The following MAML3 variants were observed in gnomAD, a reference collection of about 807,000 sequenced individuals.
The protein encoded by MAML3 is mastermind-like protein 3.
A neutral mutation model predicts 101.9 loss-of-function variants in MAML3; 27 were observed. The observed-to-expected ratio is 0.27, with a 90% confidence interval of 0.20 to 0.37. The LOEUF (loss-of-function observed/expected upper bound fraction) is 0.37, where lower values mean the gene tolerates loss of function less well. MAML3 is among the 10% of genes least tolerant of loss of function. MAML3 has a pLI of 1.00. For missense variants in MAML3, 1,316 were observed against 1,444.9 expected, an observed-to-expected ratio of 0.91 and a Z score of 1.45; for synonymous variants, 501 against 555.9, an observed-to-expected ratio of 0.90 and a Z score of 1.39.
intron 1 of MAML3, among the ~76,000 whole-genome samples, chr4:139,918,220 T>C (rs1293696630): frequency 1.3e-5 from 2 of 152,212 alleles, no homozygotes; most frequent in African/African-American, 2.4e-5. Context: ...CTTCAGAGTA[T>C]GTCTTTCTGC....
chr4:140,013,082 A>G (rs1726589505), intron 1 of MAML3, among the ~76,000 whole-genome samples: 1 of 152,264 alleles, frequency 6.6e-6, no homozygotes, highest in South Asian at 2.1e-4. Flanking sequence ...TTCCCAGCAT[A>G]TAACAGACAT....
intron 1 of MAML3, among the ~76,000 whole-genome samples, chr4:140,111,502 C>A (rs972493338): frequency 6.6e-6 from 1 of 152,226 alleles, no homozygotes; most frequent in Non-Finnish European, 1.5e-5. Context: ...TATAACACTT[C>A]AATGAAGTAT....
intron 1 of MAML3, chr4:140,134,452 A>G (rs1331332245): frequency 2.2e-6 from 1 of 451,286 alleles, no homozygotes; most frequent in Non-Finnish European, 4.5e-6. Flanking sequence ...ATATCTACTT[A>G]CAGCAGATTT....
intron 4 of MAML3, among the ~76,000 whole-genome samples, chr4:139,720,746 T>G (rs552911988): frequency 6.6e-6 from 1 of 152,308 alleles, no homozygotes; most frequent in African/African-American, 2.4e-5. Context: ...CCTCAACCAA[T>G]AAGATACTAT....
At chr4:139,912,784 A>C (rs1003059069) in intron 1 of MAML3, among the ~76,000 whole-genome samples, 5 of 152,260 alleles carry the variant, frequency 3.3e-5, no homozygotes, top group African/African-American at 9.6e-5. Flanking sequence ...AGAAGAGTTA[A>C]GGAAGGATTC....
intron 2 of MAML3, among the ~76,000 whole-genome samples, chr4:139,818,905 T>A (rs1730931236): frequency 6.6e-6 from 1 of 152,206 alleles, no homozygotes; most frequent in South Asian, 2.1e-4. Flanking sequence ...TGGTTGTACA[T>A]ATGGCCTGTA....
intron 1 of MAML3, among the ~76,000 whole-genome samples, chr4:140,085,475 G>A (rs775369595): frequency 2.0e-5 from 3 of 152,068 alleles, no homozygotes; most frequent in Non-Finnish European, 4.4e-5. Context: ...AAGCTAAAAG[G>A]TTCTCTACTT....
intron 1 of MAML3, among the ~76,000 whole-genome samples, chr4:139,911,066 C>G (rs1732911309): frequency 6.6e-6 from 1 of 152,216 alleles, no homozygotes; most frequent in Non-Finnish European, 1.5e-5. Flanking sequence ...TCCCCGGACT[C>G]TGGCAACCAC....
chr4:139,915,043 A>G (rs1733001191), intron 1 of MAML3, among the ~76,000 whole-genome samples: 3 of 152,336 alleles, frequency 2.0e-5, no homozygotes, highest in South Asian at 2.1e-4. Flanking sequence ...AAATCATTCA[A>G]TTACCTTAAG....
intron 1 of MAML3, among the ~76,000 whole-genome samples, chr4:139,947,242 A>G (rs1423960116): frequency 6.6e-6 from 1 of 152,154 alleles, no homozygotes; most frequent in Non-Finnish European, 1.5e-5. Flanking sequence ...CCTTCCTGTA[A>G]GTCTAAATCA....
chr4:139,797,187 A>G lies in MAML3; in HGVS notation c.2080-66520T>C, dbSNP rs1241716668. ...ACAGTTTATCTCAACCTAAGTTGGCATTATTTTAAAGTCATAAAAACATGA... is the reference window on the plus strand; with the variant it reads ...ACAGTTTATCTCAACCTAAGTTGGCGTTATTTTAAAGTCATAAAAACATGA... On this transcript the variant is annotated intron_variant, in intron 2 of 4. Transcript: ENST00000509479. Among the ~76,000 whole-genome samples the G allele has an allele frequency of 3.3e-5, 5 of 152,224 alleles. No individual in the cohort carries two copies. In the East Asian group the frequency reaches 9.6e-4, roughly 29 times the overall value.
chr4:139,775,267 C>T (rs1213421990), intron 2 of MAML3, among the ~76,000 whole-genome samples: 2 of 152,106 alleles, frequency 1.3e-5, no homozygotes, highest in Non-Finnish European at 1.5e-5. Flanking sequence ...ATTTTACTGC[C>T]CTAAGCAACC....
intron 1 of MAML3, among the ~76,000 whole-genome samples, chr4:140,066,371 G>C (rs1727536207): frequency 6.6e-6 from 1 of 152,156 alleles, no homozygotes; most frequent in Non-Finnish European, 1.5e-5. Context: ...TGGAATAAAG[G>C]CCAGCTCCTG....
At chr4:140,117,350 C>T (rs1043376911) in intron 1 of MAML3, among the ~76,000 whole-genome samples, 16 of 152,104 alleles carry the variant, frequency 1.1e-4, no homozygotes, top group African/African-American at 3.6e-4. Flanking sequence ...TTACTTGGTG[C>T]TGCTGACCAC....
At chr4:140,004,740 C>G (rs1726418415) in intron 1 of MAML3, among the ~76,000 whole-genome samples, 1 of 152,076 alleles carries the variant, frequency 6.6e-6, no homozygotes, top group Non-Finnish European at 1.5e-5. Context: ...CAGCTCCCTT[C>G]CCAGACCCGC....
At position 139,720,234 on chromosome 4, in the gene MAML3, T is replaced by A; in HGVS notation, c.2506A>T (p.Met836Leu). Reference sequence around the variant, plus strand: ...GGGTTCTGGGAGGGTCCTATTCCCATCATGCCTGCGTTCTGTGCCATCAGC... The same window carrying A: ...GGGTTCTGGGAGGGTCCTATTCCCAACATGCCTGCGTTCTGTGCCATCAGC... ...SRLMAQNAGM[M>L]GIGPSQNPGT... The change falls in exon 5 of 5, where the codon ATG (methionine) becomes TTG (leucine). Residue 836 changes from methionine to leucine, a missense_variant. Transcript: ENST00000509479. 6.2e-7 allele frequency: 1 copy of A among 1,610,828 alleles called. No individual in the cohort carries two copies. Among genetic ancestry groups the A allele is most frequent in the Non-Finnish European group, 8.5e-7 (1 of 1,177,730 alleles).
chr4:140,013,318 G>A (rs749420029), intron 1 of MAML3, among the ~76,000 whole-genome samples: 11 of 152,094 alleles, frequency 7.2e-5, no homozygotes, highest in Non-Finnish European at 1.5e-4. Flanking sequence ...TGCATATGCC[G>A]TTTCTTCCTC....
At chr4:139,939,764 C>CTTTT (rs1233151703) in intron 1 of MAML3, among the ~76,000 whole-genome samples, 4 of 133,440 alleles carry the variant, frequency 3.0e-5, no homozygotes, top group East Asian at 2.1e-4. Flanking sequence ...CAGGCACTTG[C>CTTTT]TTTTTTTTTT....
intron 2 of MAML3, among the ~76,000 whole-genome samples, chr4:139,800,258 A>C (rs1004824954): frequency 5.9e-5 from 9 of 152,320 alleles, no homozygotes; most frequent in African/African-American, 1.9e-4. Flanking sequence ...AACAGGAAGA[A>C]GGCCATTTCT....
Sources: gnomAD v4.1 joint callset for allele counts (sites outside exome capture counted in the v4.1 genomes callset) on GRCh38, gnomAD v4.1.1 for gene constraint, MANE v1.5 for transcripts, NCBI Gene and HGNC (gene_info 2026-07-23, HGNC 2026-07-21) for gene names.